The following GRID1 variants were observed in gnomAD, a reference collection of about 807,000 sequenced individuals.
The protein encoded by GRID1 is glutamate receptor ionotropic, delta-1.
A neutral mutation model predicts 98.0 loss-of-function variants in GRID1; 28 were observed. The ratio of observed to expected loss-of-function variants is 0.29; its 90% confidence interval spans 0.21 to 0.39. The LOEUF (loss-of-function observed/expected upper bound fraction) is 0.39. Among genes scored for constraint, GRID1 ranks in the 10% least tolerant of loss-of-function variants. GRID1 has a pLI of 1.00. For missense variants in GRID1, 1,111 were observed against 1,340.5 expected (o/e 0.83, Z 2.67); for synonymous variants, 553 against 538.5 (o/e 1.03, Z -0.37).
At chr10:85,951,975 C>T (rs1564633986) in intron 4 of GRID1, among the ~76,000 whole-genome samples, 1 of 152,252 alleles carries the variant, frequency 6.6e-6, no homozygotes, top group Non-Finnish European at 1.5e-5. Flanking sequence ...CCTTTATGAG[C>T]ATCTCCCTTT....
chr10:85,706,118 C>T (rs1041571187), intron 12 of GRID1, among the ~76,000 whole-genome samples: 14 of 152,092 alleles, frequency 9.2e-5, no homozygotes, highest in African/African-American at 2.9e-4. Flanking sequence ...CCAGGGCAAT[C>T]AGGCAGGAGA....
At chr10:86,080,822 T>C (rs978155208) in intron 4 of GRID1, among the ~76,000 whole-genome samples, 3 of 152,184 alleles carry the variant, frequency 2.0e-5, no homozygotes, top group Admixed American at 6.5e-5. Flanking sequence ...ATGCAGAATT[T>C]GGACCGCCAG....
chr10:86,341,017 T>G (rs890161908), intron 2 of GRID1, among the ~76,000 whole-genome samples: 10 of 152,128 alleles, frequency 6.6e-5, no homozygotes, highest in African/African-American at 2.2e-4. Context: ...GGCTAGCTAC[T>G]GTAATCCCCT....
chr10:85,923,497 G>C (rs1251675486), intron 4 of GRID1, among the ~76,000 whole-genome samples: 1 of 152,094 alleles, frequency 6.6e-6, no homozygotes. Flanking sequence ...TGCAGGCTGG[G>C]GGCAATCGCT....
intron 2 of GRID1, among the ~76,000 whole-genome samples, chr10:86,312,511 C>T (rs1180597594): frequency 1.3e-5 from 2 of 152,200 alleles, no homozygotes; most frequent in African/African-American, 2.4e-5. Flanking sequence ...TTGGTTCTGC[C>T]TCCCCGAAGT....
At chr10:86,083,963 G>A (rs1301759488) in intron 4 of GRID1, among the ~76,000 whole-genome samples, 5 of 152,190 alleles carry the variant, frequency 3.3e-5, no homozygotes, top group African/African-American at 7.2e-5. Context: ...GGGAAGGGGC[G>A]AGGCTTCTTT....
At chr10:85,707,212 A>T (rs914361133) in intron 12 of GRID1, among the ~76,000 whole-genome samples, 1 of 152,208 alleles carries the variant, frequency 6.6e-6, no homozygotes, top group African/African-American at 2.4e-5. Flanking sequence ...CAATCTACTC[A>T]TCTGACAAAG....
At chr10:85,833,565 C>T (rs1478576216) in intron 8 of GRID1, among the ~76,000 whole-genome samples, 1 of 151,516 alleles carries the variant, frequency 6.6e-6, no homozygotes, top group Admixed American at 6.6e-5. Context: ...ACACAGCTTC[C>T]TAAGACAATA....
chr10:85,790,672 G>A (rs200476474), intron 8 of GRID1, among the ~76,000 whole-genome samples: 1 of 152,146 alleles, frequency 6.6e-6, no homozygotes, highest in East Asian at 1.9e-4. Flanking sequence ...CAGGCCCTTG[G>A]TCCCCTCGCC....
intron 8 of GRID1, among the ~76,000 whole-genome samples, chr10:85,852,372 C>T (rs1470219115): frequency 1.3e-5 from 2 of 152,174 alleles, no homozygotes; most frequent in Non-Finnish European, 1.5e-5. Flanking sequence ...GCCTTGGCAA[C>T]GTGGAAGGTC....
rs187241919 is a variant in GRID1 at position 86,288,079 on chromosome 10, G to A, written c.235+75862C>T. On this transcript the variant is annotated intron_variant, in intron 2 of 15. Coordinates refer to ENST00000327946, the MANE Select transcript of GRID1 (RefSeq NM_017551.3). ...CCTCCTGGGGAAAAGGCAGCAGGAA[G>A]ATGCCAGGCTGCCCGGCAGAAGCTG... Among the ~76,000 whole-genome samples the A allele has an allele frequency of 1.3e-4, 20 of 152,304 alleles. No individual in the cohort carries two copies. The East Asian group carries it at 3.9e-3, about 29-fold the overall frequency.
chr10:86,060,746 G>A (rs899234663), intron 4 of GRID1, among the ~76,000 whole-genome samples: 3 of 152,134 alleles, frequency 2.0e-5, no homozygotes, highest in Admixed American at 1.3e-4. Flanking sequence ...CAGAGGACAC[G>A]GCACCTAGTC....
At chr10:86,164,941 G>A (rs1041910308) in intron 3 of GRID1, among the ~76,000 whole-genome samples, 3 of 152,184 alleles carry the variant, frequency 2.0e-5, no homozygotes, top group Admixed American at 6.5e-5. Context: ...GGCAGACCAG[G>A]CATCCAAAGG....
chr10:86,103,966 C>G (rs1048502540), intron 4 of GRID1, among the ~76,000 whole-genome samples: 1 of 152,186 alleles, frequency 6.6e-6, no homozygotes, highest in Non-Finnish European at 1.5e-5. Context: ...CTCAGGAGGA[C>G]AGCTCCCCCT....
chr10:86,237,391 T>C (rs921235160), intron 2 of GRID1, among the ~76,000 whole-genome samples: 1 of 152,144 alleles, frequency 6.6e-6, no homozygotes, highest in African/African-American at 2.4e-5. Context: ...TTTCGGAAGA[T>C]CGGGTTGTTT....
At chr10:85,663,988 A>G (rs556155379) in intron 12 of GRID1, among the ~76,000 whole-genome samples, 15 of 152,334 alleles carry the variant, frequency 9.8e-5, no homozygotes, top group African/African-American at 3.4e-4. Flanking sequence ...CTCCCAGAGT[A>G]TAAAAGGCAC....
chr10:85,735,222 A>G (rs879422229), intron 8 of GRID1, among the ~76,000 whole-genome samples: 1 of 152,234 alleles, frequency 6.6e-6, no homozygotes, highest in Non-Finnish European at 1.5e-5. Flanking sequence ...CTGACCTGTC[A>G]AGATCAGTGC....
chr10:86,051,875 T>C (rs1163471659), intron 4 of GRID1, among the ~76,000 whole-genome samples: 1 of 152,228 alleles, frequency 6.6e-6, no homozygotes, highest in Non-Finnish European at 1.5e-5. Context: ...GAAGAGAATT[T>C]TGCAGTATCT....
chr10:85,613,261 C>T, intron 15 of GRID1, 146 bp downstream of exon 15: 1 of 779,620 alleles, frequency 1.3e-6, no homozygotes, highest in Non-Finnish European at 2.0e-6. Flanking sequence ...AAAACAATAA[C>T]AAAATCCCCC....
Sources: allele counts gnomAD v4.1 joint callset (sites outside exome capture counted in the v4.1 genomes callset), GRCh38; gene constraint gnomAD v4.1.1; transcripts MANE v1.5; gene names NCBI Gene and HGNC (gene_info 2026-07-23, HGNC 2026-07-21).